The following THSD7B variants were observed in gnomAD, a reference collection of about 807,000 sequenced individuals.
THSD7B encodes the protein thrombospondin type-1 domain-containing protein 7B.
In THSD7B, 138 loss-of-function variants were observed where a neutral mutation model predicts 213.6. The observed-to-expected ratio is 0.65, with a 90% CI of 0.56 to 0.74. The LOEUF is 0.74. THSD7B is among the 30% of genes least tolerant of loss of function. The probability of loss-of-function intolerance (pLI) is 0.00; values close to 1 mark genes in which losing one functional copy is unlikely to be tolerated. For missense variants in THSD7B, 1,931 were observed against 1,991.5 expected, an observed-to-expected ratio of 0.97 and a Z score of 0.58; for synonymous variants, 742 against 687.0, an observed-to-expected ratio of 1.08 and a Z score of -1.25.
At chr2:137,180,186 A>T (rs907327306) in intron 7 of THSD7B, among the ~76,000 whole-genome samples, 6 of 152,188 alleles carry the variant, frequency 3.9e-5, no homozygotes, top group African/African-American at 1.4e-4. Context: ...ATTACTGTGT[A>T]CAGTAGGTCA....
At chr2:136,770,908 C>T (rs1681493209) in intron 1 of THSD7B, among the ~76,000 whole-genome samples, 1 of 152,064 alleles carries the variant, frequency 6.6e-6, no homozygotes, top group African/African-American at 2.4e-5. Flanking sequence ...TAAAGCCACT[C>T]TAACTTCAAT....
chr2:137,335,023 C>T (rs1684606926), intron 12 of THSD7B, among the ~76,000 whole-genome samples: 2 of 152,118 alleles, frequency 1.3e-5, no homozygotes, highest in Admixed American at 6.5e-5. Flanking sequence ...TGAGGCCTCC[C>T]AGCAATGTGG....
chr2:137,016,005 T>C (rs1573768679), intron 2 of THSD7B, among the ~76,000 whole-genome samples: 1 of 152,180 alleles, frequency 6.6e-6, no homozygotes, highest in Non-Finnish European at 1.5e-5. Flanking sequence ...ATAATTCAAT[T>C]TGCATAATAA....
Position 137,479,495 on chromosome 2 carries a change from A to G in THSD7B, c.3138+28472A>G, listed in dbSNP as rs145784530. ...GTCAGAATGCTCAGGTTGGAGCAGCAGTTGCTGGGGAAAGTGGGGTTCCTT... is the reference window on the plus strand; with the variant it reads ...GTCAGAATGCTCAGGTTGGAGCAGCGGTTGCTGGGGAAAGTGGGGTTCCTT... On this transcript the variant is annotated intron_variant, in intron 15 of 27. Coordinates refer to ENST00000409968, the MANE Select transcript of THSD7B (RefSeq NM_001316349.2). The G allele has an allele frequency of 2.3e-4, 96 of 417,474 alleles. No individual in the cohort carries two copies. In the East Asian group the frequency reaches 6.4e-3, roughly 28 times the overall value. The allele number at this position is 417,474 out of a possible 1,614,324, so 25.9% of individuals were successfully genotyped here.
At chr2:137,630,934 C>T (rs759635355) in intron 20 of THSD7B, among the ~76,000 whole-genome samples, 2 of 152,126 alleles carry the variant, frequency 1.3e-5, no homozygotes, top group African/African-American at 2.4e-5. Context: ...TTTCTGCATT[C>T]GCTGAGTTAT....
At chr2:137,423,721 A>T (rs1413304852) in intron 14 of THSD7B, among the ~76,000 whole-genome samples, 1 of 152,138 alleles carries the variant, frequency 6.6e-6, no homozygotes, top group African/African-American at 2.4e-5. Flanking sequence ...AAGAATTGTT[A>T]TCTTAAAATA....
intron 12 of THSD7B, among the ~76,000 whole-genome samples, chr2:137,384,041 G>C (rs1187430765): frequency 6.6e-6 from 1 of 152,198 alleles, no homozygotes; most frequent in African/African-American, 2.4e-5. Flanking sequence ...AAAGGACCAA[G>C]GGTGTTGAGA....
rs536311002 is a variant in THSD7B at position 137,017,449 on chromosome 2, G to A, written c.140-38971G>A. On this transcript the variant is annotated intron_variant, in intron 2 of 27. Transcript: ENST00000409968. ...GCCAGGACAAGCAGAGGAGAAGATG[G>A]CTCAAGTGAGGTTGAAAGAGGGCGG... Among the ~76,000 whole-genome samples the A allele has an allele frequency of 5.3e-5, 8 of 152,206 alleles. No homozygotes were observed. In the South Asian group the frequency reaches 1.7e-3, roughly 32 times the overall value.
chr2:136,981,475 C>A (rs949980197), intron 2 of THSD7B, among the ~76,000 whole-genome samples: 4 of 152,126 alleles, frequency 2.6e-5, no homozygotes, highest in African/African-American at 9.7e-5. Context: ...TCATCATTAA[C>A]CCTGCTTGTC....
chr2:137,623,975 C>A (rs1396713786), intron 20 of THSD7B, among the ~76,000 whole-genome samples: 1 of 152,180 alleles, frequency 6.6e-6, no homozygotes, highest in Non-Finnish European at 1.5e-5. Context: ...TTGGAAAAAA[C>A]TACTTTAAAG....
intron 7 of THSD7B, among the ~76,000 whole-genome samples, chr2:137,218,288 A>G (rs1205690731): frequency 1.3e-5 from 2 of 152,102 alleles, no homozygotes; most frequent in South Asian, 2.1e-4. Context: ...TGTCACTATT[A>G]TTGTTCTGAA....
chr2:136,920,236 C>A (rs1415449859), intron 2 of THSD7B, among the ~76,000 whole-genome samples: 5 of 152,196 alleles, frequency 3.3e-5, no homozygotes, highest in African/African-American at 9.7e-5. Flanking sequence ...AGGAACTTTA[C>A]TGAGTGACAG....
chr2:137,339,576 G>A (rs963905246), intron 12 of THSD7B, among the ~76,000 whole-genome samples: 1 of 151,624 alleles, frequency 6.6e-6, no homozygotes, highest in Non-Finnish European at 1.5e-5. Context: ...CAACTATAAG[G>A]CAGCTGTTGT....
intron 21 of THSD7B, among the ~76,000 whole-genome samples, chr2:137,654,459 G>A (rs533081738): frequency 2.0e-4 from 30 of 152,258 alleles, no homozygotes; most frequent in African/African-American, 5.1e-4. Flanking sequence ...CCATGCTTCC[G>A]GTGGGTTGAG....
chr2:137,233,139 T>C lies in THSD7B; in HGVS notation c.2150+6T>C, dbSNP rs752064463. The C allele has an allele frequency of 6.2e-7, 1 of 1,606,952 alleles. No homozygotes were observed. Among genetic ancestry groups the C allele is most frequent in the East Asian group, 2.2e-5 (1 of 44,788 alleles). ...GGACAAGTAATGACCAAAAGGTATT[T>C]ATTAGGCTGTTACTGAAAATGCATT... On this transcript the variant is annotated splice_donor_region_variant and intron_variant, in intron 9 of 27. Transcript: ENST00000409968.
intron 3 of THSD7B, among the ~76,000 whole-genome samples, chr2:137,067,595 A>G (rs1218347006): frequency 6.6e-6 from 1 of 151,972 alleles, no homozygotes; most frequent in Non-Finnish European, 1.5e-5. Context: ...TTAGATTCTC[A>G]TATTTTGTTA....
chr2:137,390,392 T>A (rs1361744188), intron 12 of THSD7B, among the ~76,000 whole-genome samples: 1 of 152,216 alleles, frequency 6.6e-6, no homozygotes, highest in Admixed American at 6.5e-5. Flanking sequence ...GATTTTATAT[T>A]CTACAACTCA....
In THSD7B at chr2:137,616,647, T is replaced by C. The variant is rs1183562471; in HGVS notation, c.3565+331T>C. Among the ~76,000 whole-genome samples, 3 of 152,202 alleles carry C rather than the reference T, an allele frequency of 2.0e-5. No individual in the cohort carries two copies. The East Asian group carries it at 5.8e-4, about 29-fold the overall frequency. On this transcript the variant is annotated intron_variant, in intron 18 of 27. Transcript: ENST00000409968. ...GAATAATTTACCATTGAGAGAAGAA[T>C]GTAATCATACTGTGATAGAATTTGG...
chr2:137,016,051 T>G (rs1363247031), intron 2 of THSD7B, among the ~76,000 whole-genome samples: 1 of 152,194 alleles, frequency 6.6e-6, no homozygotes, highest in Non-Finnish European at 1.5e-5. Flanking sequence ...TACACTAACA[T>G]TTGTTCAGTG....
Sources: allele counts gnomAD v4.1 joint callset (sites outside exome capture counted in the v4.1 genomes callset), GRCh38; gene constraint gnomAD v4.1.1; transcripts MANE v1.5; gene names NCBI Gene and HGNC (gene_info 2026-07-23, HGNC 2026-07-21).